The following PCCA variants were observed in gnomAD, a reference collection of about 807,000 sequenced individuals.
The protein encoded by PCCA is propionyl-CoA carboxylase subunit alpha, also known as propionyl-CoA carboxylase alpha chain, mitochondrial.
Under a neutral mutation model 101.3 loss-of-function variants are expected in PCCA, and 74 were observed. The observed-to-expected ratio is 0.73, with a 90% CI of 0.61 to 0.89. The LOEUF is 0.89. Ranked by LOEUF, PCCA falls within the 40% of genes least tolerant of loss-of-function variation. The pLI is 0.00. For synonymous variants in PCCA, 294 were observed against 313.6 expected, an observed-to-expected ratio of 0.94 and a Z score of 0.66; for missense variants, 891 against 907.0, an observed-to-expected ratio of 0.98 and a Z score of 0.23.
intron 16 of PCCA, among the ~76,000 whole-genome samples, chr13:100,323,255 T>G (rs1019316597): frequency 1.3e-5 from 2 of 152,212 alleles, no homozygotes; most frequent in African/African-American, 4.8e-5. Context: ...ACCATTGTCT[T>G]GTAGGAAAGT....
chr13:100,283,482 G>A (rs1014701198), intron 12 of PCCA, among the ~76,000 whole-genome samples: 3 of 152,106 alleles, frequency 2.0e-5, no homozygotes, highest in African/African-American at 4.8e-5. Flanking sequence ...TTCCTCGAGC[G>A]GCTACGGGAG....
chr13:100,350,601 G>A lies in PCCA; in HGVS notation c.1643+10342G>A, dbSNP rs562582026. 3.3e-5 allele frequency among the ~76,000 whole-genome samples: 5 copies of A among 152,270 alleles called. No individual in the cohort carries two copies. The East Asian group carries it at 7.7e-4, about 23-fold the overall frequency. On this transcript the variant is annotated intron_variant, in intron 18 of 23. Transcript: ENST00000376285. The stretch of plus-strand genomic sequence containing the variant: ...TAAGTACAAGATACTAAGTGGATAA[G>A]AAAGCACATTTACATATTTTTGCTT...
chr13:100,094,250 A>AT (rs2046562215), intron 1 of PCCA, among the ~76,000 whole-genome samples: 1 of 149,952 alleles, frequency 6.7e-6, no homozygotes, highest in Non-Finnish European at 1.5e-5. Context: ...AAAAAAAAAA[A>AT]GATTGGTGAA....
intron 8 of PCCA, among the ~76,000 whole-genome samples, chr13:100,242,248 A>G (rs551031230): frequency 1.3e-5 from 2 of 152,234 alleles, no homozygotes; most frequent in African/African-American, 2.4e-5. Flanking sequence ...ATAGTAACCA[A>G]AAGAGAGCTG....
intron 19 of PCCA, among the ~76,000 whole-genome samples, chr13:100,391,150 T>G (rs1343994284): frequency 6.6e-6 from 1 of 151,114 alleles, no homozygotes; most frequent in Non-Finnish European, 1.5e-5. Context: ...CCCAAGTAGC[T>G]GGGACTACAG....
chr13:100,124,048 G>A (rs2049701866), intron 4 of PCCA, among the ~76,000 whole-genome samples: 2 of 152,054 alleles, frequency 1.3e-5, no homozygotes, highest in African/African-American at 4.8e-5. Context: ...TAAGATTGTT[G>A]TACTTCTCCA....
chr13:100,182,092 C>CTTTTTTT (rs2056843377), intron 6 of PCCA, among the ~76,000 whole-genome samples: 1 of 121,898 alleles, frequency 8.2e-6, no homozygotes. Context: ...TTGTTTTTTT[C>CTTTTTTT]TTTTTCTTTT....
intron 20 of PCCA, among the ~76,000 whole-genome samples, chr13:100,439,943 T>C (rs1246725953): frequency 6.6e-6 from 1 of 151,978 alleles, no homozygotes; most frequent in African/African-American, 2.4e-5. Context: ...TCAAATATTT[T>C]CAAAAGAAGA....
intron 11 of PCCA, 68 bp downstream of exon 11, chr13:100,268,851 C>T: frequency 9.5e-7 from 1 of 1,053,244 alleles, no homozygotes; most frequent in Non-Finnish European, 1.5e-6. Context: ...TTCATTCATT[C>T]ATCATTCACT....
intron 21 of PCCA, among the ~76,000 whole-genome samples, chr13:100,493,980 G>T (rs183625749): frequency 6.6e-6 from 1 of 151,934 alleles, no homozygotes; most frequent in East Asian, 2.0e-4. Context: ...TACGAGGTCA[G>T]GAGCTGGTGA....
At chr13:100,162,327 T>C (rs189921451) in intron 6 of PCCA, among the ~76,000 whole-genome samples, 2 of 152,286 alleles carry the variant, frequency 1.3e-5, no homozygotes. Context: ...TGTATTCTTA[T>C]TTTTATTCTT....
chr13:100,340,744 A>T (rs1008901653), intron 18 of PCCA, among the ~76,000 whole-genome samples: 1 of 152,226 alleles, frequency 6.6e-6, no homozygotes, highest in African/African-American at 2.4e-5. Flanking sequence ...AAAGGAGAAC[A>T]TGCTTTATAT....
chr13:100,192,501 G>C (rs1011162599), intron 6 of PCCA, among the ~76,000 whole-genome samples: 18 of 152,152 alleles, frequency 1.2e-4, no homozygotes, highest in Non-Finnish European at 2.2e-4. Context: ...TAAAAAGAGA[G>C]GAGATCCTTA....
chr13:100,409,591 G>A (rs1198362928), intron 19 of PCCA, among the ~76,000 whole-genome samples: 3 of 152,140 alleles, frequency 2.0e-5, no homozygotes, highest in African/African-American at 7.2e-5. Flanking sequence ...GCACAGGCCA[G>A]TTGGAGTTTT....
At chr13:100,406,396 A>C (rs1458131229) in intron 19 of PCCA, among the ~76,000 whole-genome samples, 1 of 152,198 alleles carries the variant, frequency 6.6e-6, no homozygotes, top group African/African-American at 2.4e-5. Context: ...TTACTTAATT[A>C]TTAAAGTCCG....
intron 21 of PCCA, among the ~76,000 whole-genome samples, chr13:100,453,380 G>A (rs149889579): frequency 3.4e-4 from 51 of 151,810 alleles, no homozygotes; most frequent in Non-Finnish European, 5.7e-4. Flanking sequence ...AGGAGCCTGC[G>A]ATCCCAGCTA....
chr13:100,376,540 G>C (rs774697443), intron 19 of PCCA, among the ~76,000 whole-genome samples: 7 of 152,196 alleles, frequency 4.6e-5, no homozygotes, highest in Non-Finnish European at 1.0e-4. Context: ...TTTCAGAGAT[G>C]CCTTGCCTAG....
chr13:100,207,879 G>A (rs746747607), intron 6 of PCCA, among the ~76,000 whole-genome samples: 34 of 151,956 alleles, frequency 2.2e-4, no homozygotes, highest in South Asian at 4.2e-4. Context: ...TTAGCTGGGC[G>A]TGGTGGCGCG....
chr13:100,282,413 G>A (rs979268697), intron 12 of PCCA, among the ~76,000 whole-genome samples: 1 of 152,256 alleles, frequency 6.6e-6, no homozygotes, highest in Non-Finnish European at 1.5e-5. Context: ...CAAGGCCAGA[G>A]CCGGCTCTCT....
Sources: gnomAD v4.1 joint callset for allele counts (sites outside exome capture counted in the v4.1 genomes callset) on GRCh38, gnomAD v4.1.1 for gene constraint, MANE v1.5 for transcripts, NCBI Gene and HGNC (gene_info 2026-07-23, HGNC 2026-07-21) for gene names.